The following ALG12 variants were observed in gnomAD, a reference collection of about 807,000 sequenced individuals.
The protein encoded by ALG12 is ALG12 alpha-1,6-mannosyltransferase.
ALG12 carries 36 observed loss-of-function variants against 46.0 expected under a neutral mutation model. The ratio of observed to expected loss-of-function variants is 0.78; its 90% confidence interval spans 0.60 to 1.03. ALG12 has a LOEUF of 1.03. Ranked by LOEUF, ALG12 falls within the 50% of genes least tolerant of loss-of-function variation. The pLI, the probability that ALG12 is intolerant of heterozygous loss-of-function variation, is 0.00. For synonymous variants in ALG12, 326 were observed against 291.6 expected (o/e 1.12, Z -1.20); for missense variants, 599 against 633.5 (o/e 0.95, Z 0.58).
chr22:49,908,820 C>T (rs1377238262), intron 6 of ALG12, among the ~76,000 whole-genome samples: 1 of 151,378 alleles, frequency 6.6e-6, no homozygotes, highest in Non-Finnish European at 1.5e-5. Context: ...GGTGTGGTGG[C>T]GTGCGCCTAT....
intron 6 of ALG12, 129 bp from the exon 7 acceptor site, chr22:49,908,073 G>T: frequency 2.2e-6 from 2 of 917,054 alleles, no homozygotes; most frequent in Non-Finnish European, 3.3e-6. Context: ...CACGGCTCGT[G>T]TGCACAGACA....
At chr22:49,895,318 A>G (rs1457694521), downstream of ALG12, among the ~76,000 whole-genome samples, 2 of 152,000 alleles carry the variant, frequency 1.3e-5, no homozygotes, top group East Asian at 3.9e-4. Context: ...GGATTTTGTA[A>G]TTTTGGTTGG....
chr22:49,864,820 C>CAA, the ALG12 span, among the ~76,000 whole-genome samples: 943 of 66,984 alleles, frequency 0.014, 78 homozygotes, highest in Middle Eastern at 0.024. Flanking sequence ...ACCCTGTCTC[C>CAA]AAAAAAAAAA....
intron 4 of ALG12, 32 bp from the exon 5 acceptor site, chr22:49,910,120 G>T: frequency 6.4e-7 from 1 of 1,573,002 alleles, no homozygotes; most frequent in South Asian, 1.2e-5. Flanking sequence ...TGCTCGTCAA[G>T]ACACAGGGCC....
At chr22:49,896,955 A>G (rs1204393979), downstream of ALG12, among the ~76,000 whole-genome samples, 1 of 151,864 alleles carries the variant, frequency 6.6e-6, no homozygotes, top group Non-Finnish European at 1.5e-5. Context: ...TTTAAAGTGA[A>G]GCAGAAGAAA....
At chr22:49,912,367 C>T (rs565474848) in intron 3 of ALG12, among the ~76,000 whole-genome samples, 1 of 152,348 alleles carries the variant, frequency 6.6e-6, no homozygotes, top group South Asian at 2.1e-4. Flanking sequence ...CCTCTTGCTG[C>T]CAACCCTGGA....
chr22:49,915,211 A>T (rs2060602497), intron 1 of ALG12, among the ~76,000 whole-genome samples: 1 of 152,224 alleles, frequency 6.6e-6, no homozygotes, highest in African/African-American at 2.4e-5. Context: ...TCCTTTGCCA[A>T]ATATAAAAAC....
At position 49,917,705 on chromosome 22, in the gene ALG12, C is replaced by CTTTTTTTT. The variant is rs111244256; in HGVS notation, c.-79+550_-79+557dup. ...AAGAAACTGGTCAAATCAGATGTTA[C>CTTTTTTTT]TTTTTTTTTTTTTAAATGTGCAGTG... is the stretch of plus-strand genomic sequence containing the variant. On this transcript the variant is annotated intron_variant, in intron 1 of 9. Transcript: ENST00000330817. Among the ~76,000 whole-genome samples the CTTTTTTTT allele has an allele frequency of 6.2e-4, 89 of 143,324 alleles. 1 individual carries two copies. The highest frequency in any genetic ancestry group is 1.9e-3 in the African/African-American group (71 of 38,230). The allele number at this position is 143,324 out of a possible 152,430, so 94.0% of individuals were successfully genotyped here.
the ALG12 span, chr22:49,884,691 C>A: frequency 6.3e-7 from 1 of 1,599,968 alleles, no homozygotes; most frequent in Middle Eastern, 1.7e-4. Flanking sequence ...TGCAGGAGAA[C>A]GGGGGCACGG....
At chr22:49,871,725 T>G in the ALG12 span, among the ~76,000 whole-genome samples, 13 of 149,690 alleles carry the variant, frequency 8.7e-5, no homozygotes, top group Non-Finnish European at 1.3e-4. Context: ...TGCTGAAGGG[T>G]GGGGTGGCTG....
At chr22:49,867,423 G>A in the ALG12 span, among the ~76,000 whole-genome samples, 20 of 152,250 alleles carry the variant, frequency 1.3e-4, no homozygotes, top group East Asian at 5.8e-4. Flanking sequence ...TCAGTTGGCT[G>A]ACGGTATTGC....
the ALG12 span, chr22:49,889,903 A>G: frequency 6.0e-6 from 1 of 167,096 alleles, no homozygotes; most frequent in Non-Finnish European, 1.5e-5. Context: ...TGTTTTAGGC[A>G]GGTTCCTTAA....
rs2060526365 is a variant in ALG12 at position 49,903,633 on chromosome 22, T to C, written c.*205A>G. On this transcript the variant is annotated 3_prime_UTR_variant, in exon 10 of 10. Coordinates refer to ENST00000330817, the MANE Select transcript of ALG12 (RefSeq NM_024105.4). ...TGGCTCCCGGGGTGCCAACAAGACCTGGGCCCCTCGTTCTTTGGTGCTGAG... is the reference window on the plus strand; with the variant it reads ...TGGCTCCCGGGGTGCCAACAAGACCCGGGCCCCTCGTTCTTTGGTGCTGAG... 2 of 721,920 alleles carry C rather than the reference T, an allele frequency of 2.8e-6. No individual in the cohort carries two copies. The highest frequency in any genetic ancestry group is 4.9e-6 in the Non-Finnish European group (2 of 404,816). 44.7% of individuals were successfully genotyped at this position (721,920 alleles called of 1,614,324 possible).
chr22:49,895,664 A>T (rs929614251), downstream of ALG12, among the ~76,000 whole-genome samples: 5 of 152,148 alleles, frequency 3.3e-5, no homozygotes, highest in Non-Finnish European at 5.9e-5. Context: ...AAATAAAAAA[A>T]AAAAAAAAGT....
chr22:49,894,012 A>G, the ALG12 span, among the ~76,000 whole-genome samples: 7 of 152,146 alleles, frequency 4.6e-5, no homozygotes, highest in Non-Finnish European at 7.3e-5. Context: ...GAAAAAACAA[A>G]AAATTAACTG....
In ALG12 at chr22:49,903,559, G is replaced by A. The variant is rs376644656; in HGVS notation, c.*279C>T. 4 of 627,974 alleles carry A rather than the reference G, an allele frequency of 6.4e-6. No individual in the cohort carries two copies. Among genetic ancestry groups the A allele is most frequent in the South Asian group, 3.0e-5 (2 of 66,062 alleles). 38.9% of individuals were successfully genotyped at this position (627,974 alleles called of 1,614,324 possible). On this transcript the variant is annotated 3_prime_UTR_variant, in exon 10 of 10. Transcript: ENST00000330817. ...GTCATGAATGGCACCTGGTCTGGGC[G>A]ACAGTCACCCGCAGGAAGCCCTGAG... is the stretch of plus-strand genomic sequence containing the variant.
At chr22:49,882,358 A>C in the ALG12 span, among the ~76,000 whole-genome samples, 1 of 152,330 alleles carries the variant, frequency 6.6e-6, no homozygotes, top group South Asian at 2.1e-4. Context: ...TCGAGGCTTC[A>C]CTGAGCTGTG....
the ALG12 span, chr22:49,884,718 C>T: frequency 1.3e-6 from 2 of 1,595,004 alleles, no homozygotes. Context: ...CGCCACTGTA[C>T]TCCACCCCTC....
chr22:49,873,681 C>G, the ALG12 span, among the ~76,000 whole-genome samples: 1 of 141,336 alleles, frequency 7.1e-6, no homozygotes, highest in East Asian at 1.9e-4. Flanking sequence ...AAGCGAGGTG[C>G]GGTGATATGA....
Sources: gnomAD v4.1 joint callset for allele counts (sites outside exome capture counted in the v4.1 genomes callset) on GRCh38, gnomAD v4.1.1 for gene constraint, MANE v1.5 for transcripts, NCBI Gene and HGNC (gene_info 2026-07-23, HGNC 2026-07-21) for gene names.